NIPSNAP3A: variants seen among roughly 807,000 people sequenced by gnomAD.
NIPSNAP3A encodes nipsnap homolog 3A, also known as protein NipSnap homolog 3A.
NIPSNAP3A carries 27 observed loss-of-function variants against 32.3 expected under a neutral mutation model. The ratio of observed to expected loss-of-function variants is 0.84; its 90% CI spans 0.62 to 1.15. The LOEUF is 1.15. Among genes scored for constraint, NIPSNAP3A ranks in the 50% most tolerant of loss-of-function variants. NIPSNAP3A has a pLI of 0.00. For missense variants in NIPSNAP3A, 278 were observed against 297.2 expected, an observed-to-expected ratio of 0.94 and a Z score of 0.48; for synonymous variants, 108 against 107.3, an observed-to-expected ratio of 1.01 and a Z score of -0.04.
intron 1 of NIPSNAP3A, among the ~76,000 whole-genome samples, chr9:104,749,782 T>C (rs1827823857): frequency 6.6e-6 from 1 of 152,234 alleles, no homozygotes; most frequent in Non-Finnish European, 1.5e-5. Context: ...ATTAGAAATT[T>C]ACAGTGCGTG....
intron 4 of NIPSNAP3A, among the ~76,000 whole-genome samples, chr9:104,755,547 TTGTAA>T (rs1011489499): frequency 2.6e-5 from 4 of 152,156 alleles, no homozygotes; most frequent in African/African-American, 9.7e-5. Flanking sequence ...GGTATTTAAC[TTGTAA>T]TGTTGAAAAA....
chr9:104,757,745 A>C (rs1011444397), intron 4 of NIPSNAP3A, among the ~76,000 whole-genome samples: 1 of 152,154 alleles, frequency 6.6e-6, no homozygotes, highest in Non-Finnish European at 1.5e-5. Context: ...ATTTGTATAC[A>C]TATACAACTA....
intron 1 of NIPSNAP3A, among the ~76,000 whole-genome samples, chr9:104,749,302 C>T (rs564729570): frequency 6.6e-6 from 1 of 152,274 alleles, no homozygotes; most frequent in Non-Finnish European, 1.5e-5. Context: ...AAGGCAGGGG[C>T]AGCTGCAGCT....
intron 1 of NIPSNAP3A, among the ~76,000 whole-genome samples, chr9:104,748,859 C>T (rs1199338204): frequency 6.6e-6 from 1 of 152,150 alleles, no homozygotes; most frequent in Non-Finnish European, 1.5e-5. Flanking sequence ...GAGGTCGTTG[C>T]TGGTGGGAAT....
chr9:104,759,397 G>A lies in NIPSNAP3A; in HGVS notation c.*59G>A. The A allele has an allele frequency of 6.6e-7, 1 of 1,522,354 alleles. No individual in the cohort carries two copies. Among genetic ancestry groups the A allele is most frequent in the Non-Finnish European group, 9.1e-7 (1 of 1,101,918 alleles). 94.3% of individuals were successfully genotyped at this position (1,522,354 alleles called of 1,614,324 possible). A position where few individuals can be genotyped will look rare whatever the true frequency, so the allele number is the denominator to read the frequency against. On this transcript the variant is annotated 3_prime_UTR_variant, in exon 6 of 6. Coordinates refer to ENST00000374767, the MANE Select transcript of NIPSNAP3A (RefSeq NM_015469.3). Reference sequence around the variant, plus strand: ...GCTATAGGATCTGTCTGCTAATGGTGCTTAAATTCTCCCAAGAGGTTCTCA... The same window carrying A: ...GCTATAGGATCTGTCTGCTAATGGTACTTAAATTCTCCCAAGAGGTTCTCA...
chr9:104,751,280 A>T, intron 2 of NIPSNAP3A, 114 bp downstream of exon 2: 1 of 952,126 alleles, frequency 1.1e-6, no homozygotes, highest in Non-Finnish European at 1.7e-6. Flanking sequence ...TATTTTAGAT[A>T]CATACAGGTT....
chr9:104,748,031 C>T (rs945562363), intron 1 of NIPSNAP3A, among the ~76,000 whole-genome samples, 179 bp downstream of exon 1: 3 of 152,172 alleles, frequency 2.0e-5, no homozygotes, highest in Admixed American at 6.5e-5. Context: ...ACCCGGAACG[C>T]GCGTGAGGAG....
chr9:104,749,749 C>G (rs1195916891), intron 1 of NIPSNAP3A, among the ~76,000 whole-genome samples: 1 of 152,094 alleles, frequency 6.6e-6, no homozygotes, highest in African/African-American at 2.4e-5. Context: ...GTATTTCTTA[C>G]AGAAAGTTCA....
In NIPSNAP3A at chr9:104,759,486, G is replaced by C; in HGVS notation, c.*148G>C. 1 of 742,106 alleles carries C rather than the reference G, an allele frequency of 1.3e-6. No homozygotes were observed. The highest frequency in any genetic ancestry group is 3.8e-4 in the Middle Eastern group (1 of 2,636). 46.0% of individuals were successfully genotyped at this position (742,106 alleles called of 1,614,324 possible). A position where few individuals can be genotyped will look rare whatever the true frequency, so the allele number is the denominator to read the frequency against. On this transcript the variant is annotated 3_prime_UTR_variant, in exon 6 of 6. Coordinates refer to ENST00000374767, the MANE Select transcript of NIPSNAP3A (RefSeq NM_015469.3). Reference sequence around the variant, plus strand: ...TTCTTGCATTATGAAGGCTACATCTGTGCTTTGTAAGTACCACTTCAAAAA... The same window carrying C: ...TTCTTGCATTATGAAGGCTACATCTCTGCTTTGTAAGTACCACTTCAAAAA...
intron 1 of NIPSNAP3A, 46 bp from the exon 2 acceptor site, chr9:104,750,910 G>T: frequency 6.9e-7 from 1 of 1,440,456 alleles, no homozygotes; most frequent in South Asian, 1.1e-5. Flanking sequence ...ACAATATAAT[G>T]AATCCTGTCT....
chr9:104,754,576 G>T lies in NIPSNAP3A; in HGVS notation c.456G>T (p.Gln152His). 1.9e-6 allele frequency: 3 copies of T among 1,614,044 alleles called. No homozygotes were observed. Among genetic ancestry groups the T allele is most frequent in the Non-Finnish European group, 2.5e-6 (3 of 1,180,004 alleles). ...KEGVYELATF[Q>H]MKPGGPALWG... ...GAGTCTATGAACTGGCCACTTTTCA[G>T]ATGAAACCTGGTGGGCCAGCTCTGT... The change falls in exon 4 of 6, where the codon CAG (glutamine) becomes CAT (histidine). Residue 152 changes from glutamine to histidine, a missense_variant. By Grantham distance (24) the Gln-to-His change is conservative (BLOSUM62 0). Coordinates refer to ENST00000374767, the MANE Select transcript of NIPSNAP3A (RefSeq NM_015469.3).
chr9:104,753,948 C>T (rs542932875), intron 3 of NIPSNAP3A: 1 of 152,514 alleles, frequency 6.6e-6, no homozygotes, highest in South Asian at 2.1e-4. Flanking sequence ...TCTCCACCAG[C>T]CCTATACTTC....
intron 1 of NIPSNAP3A, among the ~76,000 whole-genome samples, chr9:104,748,298 T>C (rs1004370210): frequency 2.0e-5 from 3 of 152,186 alleles, no homozygotes; most frequent in Admixed American, 6.5e-5. Flanking sequence ...AGGAGGGAAT[T>C]GTCAACCAGC....
chr9:104,751,595 A>C (rs1382905741), intron 2 of NIPSNAP3A, among the ~76,000 whole-genome samples: 1 of 152,208 alleles, frequency 6.6e-6, no homozygotes, highest in African/African-American at 2.4e-5. Context: ...AGGGGGCTGG[A>C]TATCAGTATT....
At chr9:104,757,326 A>C (rs894153029) in intron 4 of NIPSNAP3A, among the ~76,000 whole-genome samples, 4 of 152,174 alleles carry the variant, frequency 2.6e-5, no homozygotes, top group Non-Finnish European at 5.9e-5. Context: ...TATTAAGGAA[A>C]TAATCAGATT....
Position 104,751,236 on chromosome 9 carries a change from A to C in NIPSNAP3A, c.271+70A>C, listed in dbSNP as rs1006885205. The C allele has an allele frequency of 1.1e-5, 14 of 1,314,872 alleles. No individual in the cohort carries two copies. The African/African-American group carries it at 2.0e-4, about 19-fold the overall frequency. 81.5% of individuals were successfully genotyped at this position (1,314,872 alleles called of 1,614,324 possible). A position where few individuals can be genotyped will look rare whatever the true frequency, so the allele number is the denominator to read the frequency against. Reference sequence around the variant, plus strand: ...TTCAGTATAGATTTTCATTCTGTTAAATGTAACATAAAACTTAGTTCTTGG... The same window carrying C: ...TTCAGTATAGATTTTCATTCTGTTACATGTAACATAAAACTTAGTTCTTGG... On this transcript the variant is annotated intron_variant, in intron 2 of 5. Transcript: ENST00000374767.
At chr9:104,750,154 T>G (rs1827830465) in intron 1 of NIPSNAP3A, among the ~76,000 whole-genome samples, 1 of 152,254 alleles carries the variant, frequency 6.6e-6, no homozygotes, top group Admixed American at 6.5e-5. Context: ...ACGTGCGTAG[T>G]TAATAAAGTT....
intron 4 of NIPSNAP3A, among the ~76,000 whole-genome samples, chr9:104,757,037 C>T (rs186232577): frequency 2.9e-4 from 44 of 152,076 alleles, no homozygotes; most frequent in African/African-American, 9.9e-4. Context: ...ACAGGTGATC[C>T]GCCCGCCTCG....
chr9:104,750,849 A>C, intron 1 of NIPSNAP3A, 107 bp from the exon 2 acceptor site: 2 of 864,630 alleles, frequency 2.3e-6, no homozygotes, highest in Admixed American at 3.6e-5. Context: ...TACAAACATG[A>C]GTAATGAGTC....
Sources: gnomAD v4.1 joint callset for allele counts (sites outside exome capture counted in the v4.1 genomes callset) on GRCh38, gnomAD v4.1.1 for gene constraint, MANE v1.5 for transcripts, NCBI Gene and HGNC (gene_info 2026-07-23, HGNC 2026-07-21) for gene names.